Variants in TESMIN observed in about 807,000 individuals in gnomAD.
The protein encoded by TESMIN is CXC domain containing 2.
In TESMIN, 34 loss-of-function variants were observed where a neutral mutation model predicts 47.4. The observed-to-expected ratio is 0.72, with a 90% CI of 0.55 to 0.96. The LOEUF (loss-of-function observed/expected upper bound fraction) is 0.96, where lower values mean the gene tolerates loss of function less well. Ranked by LOEUF, TESMIN falls within the 40% of genes least tolerant of loss-of-function variation. The probability of loss-of-function intolerance (pLI) is 0.00; values close to 1 mark genes in which losing one functional copy is unlikely to be tolerated. For missense variants in TESMIN, 610 were observed against 637.2 expected (o/e 0.96, Z 0.46); for synonymous variants, 278 against 258.9 (o/e 1.07, Z -0.71).
chr11:68,713,262 G>T lies in TESMIN; in HGVS notation c.1158+8C>A. ...TTTTGTTAGTGAGTTAGGGAGCTGG[G>T]CACTAACCTCATAGCACTCGCAGTA... On this transcript the variant is annotated splice_region_variant and intron_variant, in intron 8 of 9. Transcript: ENST00000255087. 6.2e-7 allele frequency: 1 copy of T among 1,612,586 alleles called. No homozygotes were observed. Among genetic ancestry groups the T allele is most frequent in the Non-Finnish European group, 8.5e-7 (1 of 1,179,104 alleles).
At chr11:68,732,719 T>A (rs1227901472) in intron 6 of TESMIN, 1 of 152,290 alleles carries the variant, frequency 6.6e-6, no homozygotes. Context: ...TATGGCCTCG[T>A]AGACTAAACC....
chr11:68,749,924 C>G (rs184949264), intron 2 of TESMIN, among the ~76,000 whole-genome samples: 21 of 152,244 alleles, frequency 1.4e-4, no homozygotes, highest in African/African-American at 4.3e-4. Context: ...TGTTGTCCGC[C>G]GTCTGCATGG....
intron 6 of TESMIN, among the ~76,000 whole-genome samples, chr11:68,724,669 G>A (rs1946240859): frequency 6.6e-6 from 1 of 152,204 alleles, no homozygotes; most frequent in Non-Finnish European, 1.5e-5. Flanking sequence ...ATGAACATAA[G>A]GGTAGGGGCT....
chr11:68,719,818 A>G (rs1946184280), intron 6 of TESMIN, among the ~76,000 whole-genome samples: 1 of 152,234 alleles, frequency 6.6e-6, no homozygotes, highest in South Asian at 2.1e-4. Flanking sequence ...GTTAAGAGAA[A>G]CAGTCAAGAG....
In TESMIN at chr11:68,713,279, C is replaced by A; in HGVS notation, c.1149G>T (p.Glu383Asp). ...GGAGCTGGGCACTAACCTCATAGCA[C>A]TCGCAGTAATTCTTCAGGCAGCCTG... is the stretch of plus-strand genomic sequence containing the variant. ...RRSGCLKNYCECYEAQIMCSS... is the reference protein window; with the variant it reads ...RRSGCLKNYCDCYEAQIMCSS... The change falls in exon 8 of 10, where the codon GAG becomes GAT. Residue 383 changes from glutamate (E) to aspartate (D), a missense_variant. Transcript: ENST00000255087. 2 of 1,614,028 alleles carry A rather than the reference C, an allele frequency of 1.2e-6. No homozygotes were observed. Among genetic ancestry groups the A allele is most frequent in the Non-Finnish European group, 1.7e-6 (2 of 1,179,966 alleles).
chr11:68,729,361 T>C (rs1178777592), intron 6 of TESMIN, among the ~76,000 whole-genome samples: 1 of 74,002 alleles, frequency 1.4e-5, no homozygotes, highest in Non-Finnish European at 3.0e-5. Context: ...CTGTCTCTAC[T>C]AAAAATACAA....
At chr11:68,709,046 C>T (rs755425067) in intron 9 of TESMIN, among the ~76,000 whole-genome samples, 5 of 149,206 alleles carry the variant, frequency 3.4e-5, no homozygotes, top group Non-Finnish European at 5.9e-5. Flanking sequence ...CCACCACACC[C>T]GGCGGAGACC....
chr11:68,742,189 G>A (rs1444649024), intron 5 of TESMIN, 129 bp downstream of exon 5: 8 of 628,068 alleles, frequency 1.3e-5, no homozygotes, highest in Non-Finnish European at 2.2e-5. Context: ...TGAACACTTG[G>A]TAAGTATTTC....
intron 7 of TESMIN, among the ~76,000 whole-genome samples, chr11:68,714,110 G>A (rs146163140): frequency 6.0e-4 from 91 of 152,210 alleles, no homozygotes; most frequent in African/African-American, 2.1e-3. Context: ...ACAATTCAAC[G>A]CTCTTTGTAA....
At chr11:68,712,927 G>A (rs115902597) in intron 8 of TESMIN, among the ~76,000 whole-genome samples, 2 of 152,060 alleles carry the variant, frequency 1.3e-5, no homozygotes, top group African/African-American at 2.4e-5. Context: ...GAAGAGGCGC[G>A]GCTGCCCTCC....
intron 6 of TESMIN, chr11:68,738,288 G>A: frequency 1.0e-6 from 1 of 1,000,154 alleles, no homozygotes; most frequent in Non-Finnish European, 1.2e-6. Context: ...GCGGGCGGAG[G>A]CAGCTGGAGG....
intron 5 of TESMIN, 84 bp from the exon 6 acceptor site, chr11:68,738,872 T>A: frequency 8.4e-7 from 1 of 1,194,802 alleles, no homozygotes. Flanking sequence ...ATAAAAATGA[T>A]TCTTTTTTTC....
intron 6 of TESMIN, chr11:68,736,642 T>G (rs1274673068): frequency 4.1e-6 from 4 of 984,190 alleles, no homozygotes; most frequent in Non-Finnish European, 4.8e-6. Flanking sequence ...CAAATACACA[T>G]CTCATGTTTT....
At chr11:68,740,676 C>T (rs996988588) in intron 5 of TESMIN, among the ~76,000 whole-genome samples, 1 of 152,204 alleles carries the variant, frequency 6.6e-6, no homozygotes, top group South Asian at 2.1e-4. Context: ...TCTCTTTTAT[C>T]TTGGCCAATG....
chr11:68,736,320 AC>A (rs1450605005), intron 6 of TESMIN: 3 of 985,172 alleles, frequency 3.0e-6, no homozygotes, highest in South Asian at 4.7e-5. Flanking sequence ...TAGCCAGTTC[AC>A]CCCCCAACCC....
rs773144735 is a variant in TESMIN at position 68,747,332 on chromosome 11, C to T, written c.506G>A (p.Ser169Asn). ...EIKEAGGTTT[S>N]NNPEEATLQN... is the part of the protein sequence containing the mutation. Reference sequence around the variant, plus strand: ...CAAAGTTGCTTCTTCCGGATTATTACTTGTAGTAGTACCACCTGCTTCCTT... The same window carrying T: ...CAAAGTTGCTTCTTCCGGATTATTATTTGTAGTAGTACCACCTGCTTCCTT... Residue 169 changes from serine to asparagine, a missense_variant, in exon 3 of 10, where the codon AGT (serine) becomes AAT (asparagine). Coordinates refer to ENST00000255087, the MANE Select transcript of TESMIN (RefSeq NM_004923.3). 6.2e-7 allele frequency: 1 copy of T among 1,613,900 alleles called. No homozygotes were observed. Among genetic ancestry groups the T allele is most frequent in the African/African-American group, 1.3e-5 (1 of 74,936 alleles).
intron 6 of TESMIN, chr11:68,736,439 G>A: frequency 1.0e-6 from 1 of 985,418 alleles, no homozygotes; most frequent in Non-Finnish European, 1.2e-6. Flanking sequence ...ACCACACTGG[G>A]CTGACAGTCT....
chr11:68,751,161 G>T (rs1236729197), intron 1 of TESMIN, among the ~76,000 whole-genome samples: 1 of 101,368 alleles, frequency 9.9e-6, no homozygotes, highest in Non-Finnish European at 2.0e-5. Flanking sequence ...GAGAGGGGCC[G>T]GCCGGGGTGG....
chr11:68,742,403 A>C lies in TESMIN; in HGVS notation c.752-9T>G. On this transcript the variant is annotated splice_polypyrimidine_tract_variant and intron_variant, in intron 4 of 9. Transcript: ENST00000255087. Reference sequence around the variant, plus strand: ...CATTGGTTTAGGGACATCTGTAAGGAAGATAATTAAAAATTAATTGTAGCA... The same window carrying C: ...CATTGGTTTAGGGACATCTGTAAGGCAGATAATTAAAAATTAATTGTAGCA... 1 of 1,543,854 alleles carries C rather than the reference A, an allele frequency of 6.5e-7. No individual in the cohort carries two copies.
Sources: allele counts gnomAD v4.1 joint callset (sites outside exome capture counted in the v4.1 genomes callset), GRCh38; gene constraint gnomAD v4.1.1; transcripts MANE v1.5; gene names NCBI Gene and HGNC (gene_info 2026-07-23, HGNC 2026-07-21).